The following DISC1 variants were observed in gnomAD, a reference collection of about 807,000 sequenced individuals.
DISC1 encodes DISC1 scaffold protein, also known as disrupted in schizophrenia 1 protein.
DISC1 carries 57 observed loss-of-function variants against 84.5 expected under a neutral mutation model. That is an observed-to-expected ratio of 0.67 (90% CI 0.55 to 0.84). The LOEUF is 0.84. Ranked by LOEUF, DISC1 falls within the 40% of genes least tolerant of loss-of-function variation. The pLI is 0.00. For missense variants in DISC1, 1,000 were observed against 1,057.8 expected, an observed-to-expected ratio of 0.95 and a Z score of 0.76; for synonymous variants, 411 against 415.2, an observed-to-expected ratio of 0.99 and a Z score of 0.12.
rs1558445992 is a variant in DISC1, at chr1:231,733,529, T to TGGTGATGATGGTAGG, written c.1118-16397_1118-16396insGGTGATGATGGTAGG. Reference sequence around the variant, plus strand: ...ATGGTGAGAGTGATGGTGGTAGTTGTAGTGGTGATGATGGTAGGAGTGGTA... The same window carrying TGGTGATGATGGTAGG: ...ATGGTGAGAGTGATGGTGGTAGTTGTGGTGATGATGGTAGGAGTGGTGATGATGGTAGGAGTGGTA... On this transcript the variant is annotated intron_variant, in intron 3 of 12. Transcript: ENST00000439617. Among the ~76,000 whole-genome samples the TGGTGATGATGGTAGG allele has an allele frequency of 5.4e-4, 19 of 35,104 alleles. 1 individual carries two copies. In the East Asian group the frequency reaches 0.014, roughly 25 times the overall value. 23.0% of individuals were successfully genotyped at this position (35,104 alleles called of 152,430 possible). A position where few individuals can be genotyped will look rare whatever the true frequency, so the allele number is the denominator to read the frequency against.
chr1:231,860,374 A>G (rs925472523), intron 9 of DISC1, among the ~76,000 whole-genome samples: 14 of 152,174 alleles, frequency 9.2e-5, no homozygotes, highest in African/African-American at 1.9e-4. Context: ...CCTGTTGAGC[A>G]TCTCTAATCC....
chr1:231,938,221 A>G (rs1209995360), intron 9 of DISC1, among the ~76,000 whole-genome samples: 2 of 152,276 alleles, frequency 1.3e-5, no homozygotes, highest in East Asian at 3.9e-4. Flanking sequence ...AAGGTTATGG[A>G]TCCCAAGGTG....
At chr1:231,948,511 C>T (rs188634304) in intron 9 of DISC1, among the ~76,000 whole-genome samples, 144 of 151,910 alleles carry the variant, frequency 9.5e-4, no homozygotes, top group Non-Finnish European at 2.1e-4. Context: ...TGTAGGTGAC[C>T]GGTTGTTGGG....
intron 11 of DISC1, among the ~76,000 whole-genome samples, chr1:232,010,095 T>G (rs1392842751): frequency 6.6e-6 from 1 of 152,152 alleles, no homozygotes; most frequent in Non-Finnish European, 1.5e-5. Flanking sequence ...TGATCCTATA[T>G]TTGGATTCCA....
chr1:231,904,123 A>G (rs201273151), intron 9 of DISC1, among the ~76,000 whole-genome samples: 39 of 152,224 alleles, frequency 2.6e-4, no homozygotes, highest in Admixed American at 1.1e-3. Context: ...TTCTTCATCT[A>G]TCTTCATCTA....
intron 9 of DISC1, chr1:231,943,724 CTT>C (rs201180878): frequency 0.064 from 8,981 of 141,050 alleles, 293 homozygotes; most frequent in Admixed American, 0.11. Flanking sequence ...GACAATATGA[CTT>C]TTTTTTTTTT....
chr1:231,708,088 G>A (rs1200419903), intron 3 of DISC1, among the ~76,000 whole-genome samples: 1 of 152,146 alleles, frequency 6.6e-6, no homozygotes, highest in African/African-American at 2.4e-5. Context: ...GCTGACAAGG[G>A]GTGGACTTGT....
intron 8 of DISC1, among the ~76,000 whole-genome samples, chr1:231,804,746 A>G (rs1437656704): frequency 6.6e-6 from 1 of 152,208 alleles, no homozygotes; most frequent in African/African-American, 2.4e-5. Flanking sequence ...AGATTGGCCC[A>G]GGTATAGGAT....
intron 9 of DISC1, among the ~76,000 whole-genome samples, chr1:231,827,610 T>C (rs1478946745): frequency 6.6e-6 from 1 of 152,212 alleles, no homozygotes; most frequent in African/African-American, 2.4e-5. Flanking sequence ...GCTAATTTGA[T>C]TTTTCAGATT....
At chr1:232,000,964 A>G (rs1177204207) in intron 10 of DISC1, among the ~76,000 whole-genome samples, 1 of 152,254 alleles carries the variant, frequency 6.6e-6, no homozygotes, top group African/African-American at 2.4e-5. Flanking sequence ...AAAGGAATAT[A>G]GAATAAAAAG....
chr1:232,026,624 T>C (rs1290130738), intron 12 of DISC1, 72 bp downstream of exon 12: 4 of 1,129,656 alleles, frequency 3.5e-6, no homozygotes, highest in East Asian at 2.6e-5. Flanking sequence ...AGGGTAGTTT[T>C]TCATGCCTCA....
intron 1 of DISC1, among the ~76,000 whole-genome samples, chr1:231,647,326 T>C (rs2060218023): frequency 6.6e-6 from 1 of 152,240 alleles, no homozygotes; most frequent in South Asian, 2.1e-4. Context: ...AGGGAATCCT[T>C]TCCCCATTTC....
intron 9 of DISC1, among the ~76,000 whole-genome samples, chr1:231,913,526 C>T (rs2089410757): frequency 1.3e-5 from 2 of 152,172 alleles, no homozygotes; most frequent in African/African-American, 2.4e-5. Flanking sequence ...CTGGGCTGCA[C>T]CATTTAAGCA....
chr1:231,890,445 A>T (rs570032842), intron 9 of DISC1, among the ~76,000 whole-genome samples: 5 of 152,210 alleles, frequency 3.3e-5, no homozygotes, highest in South Asian at 4.1e-4. Flanking sequence ...GGTTTTTAAA[A>T]TTTTTTGAAT....
intron 8 of DISC1, among the ~76,000 whole-genome samples, chr1:231,805,496 G>T (rs2125674564): frequency 6.6e-6 from 1 of 152,204 alleles, no homozygotes; most frequent in African/African-American, 2.4e-5. Flanking sequence ...AGGGGGGTGG[G>T]GGAGGTGCCA....
intron 1 of DISC1, among the ~76,000 whole-genome samples, chr1:231,640,648 C>G (rs1003848979): frequency 6.6e-6 from 1 of 151,822 alleles, no homozygotes; most frequent in Admixed American, 6.6e-5. Context: ...CCCATCTCTG[C>G]TCTGCAAGTA....
At chr1:231,697,921 C>T (rs977606154) in intron 2 of DISC1, among the ~76,000 whole-genome samples, 3 of 152,042 alleles carry the variant, frequency 2.0e-5, no homozygotes, top group Admixed American at 2.0e-4. Context: ...TTTTTGTGCT[C>T]TTTATTGGTG....
In DISC1 at chr1:232,038,825, A is replaced by T. The variant is rs778429961; in HGVS notation, c.*1994A>T. ...TAGTGAGGTTCCTGCCTTCACTAGG[A>T]TCCACGGATATGAGACCATTTTTGT... On this transcript the variant is annotated 3_prime_UTR_variant, in exon 13 of 13. Transcript: ENST00000439617. The T allele has an allele frequency of 6.6e-6, 1 of 152,142 alleles. No individual in the cohort carries two copies. The highest frequency in any genetic ancestry group is 1.5e-5 in the Non-Finnish European group (1 of 68,038). 9.4% of individuals were successfully genotyped at this position (152,142 alleles called of 1,614,324 possible).
intron 9 of DISC1, among the ~76,000 whole-genome samples, chr1:231,906,361 G>C (rs934621356): frequency 6.6e-6 from 1 of 152,172 alleles, no homozygotes; most frequent in Non-Finnish European, 1.5e-5. Context: ...TGAGAGAGAC[G>C]TAAGTACAAT....
Sources: gnomAD v4.1 joint callset for allele counts (sites outside exome capture counted in the v4.1 genomes callset) on GRCh38, gnomAD v4.1.1 for gene constraint, MANE v1.5 for transcripts, NCBI Gene and HGNC (gene_info 2026-07-23, HGNC 2026-07-21) for gene names.